ACACA: variants seen among roughly 807,000 people sequenced by gnomAD.
ACACA encodes the protein acetyl-CoA carboxylase 1.
In ACACA, 103 loss-of-function variants were observed where a neutral mutation model predicts 296.1. That is an observed-to-expected ratio of 0.35 (90% confidence interval 0.30 to 0.41). The LOEUF is 0.41. ACACA is among the 10% of genes least tolerant of loss of function. The pLI is 1.00. For missense variants in ACACA, 1,554 were observed against 2,989.7 expected, an observed-to-expected ratio of 0.52 and a Z score of 11.20; for synonymous variants, 953 against 1,038.6, an observed-to-expected ratio of 0.92 and a Z score of 1.58.
chr17:37,153,220 TA>T (rs1418172716), intron 43 of ACACA, among the ~76,000 whole-genome samples: 1 of 152,150 alleles, frequency 6.6e-6, no homozygotes, highest in Non-Finnish European at 1.5e-5. Flanking sequence ...AAAAATATCA[TA>T]GGGGAAAATC....
In ACACA at chr17:37,302,490, G is replaced by A. The variant is rs1031522053; in HGVS notation, c.339-17520C>T. On this transcript the variant is annotated intron_variant, in intron 3 of 55. Coordinates refer to ENST00000616317, the MANE Select transcript of ACACA (RefSeq NM_198834.3). ...CTCCCAAAGTGCTGGGATTACAGGC[G>A]TGAGCCACCACACCCGGCCGGTCTG... 1.4e-4 allele frequency among the ~76,000 whole-genome samples: 21 copies of A among 152,018 alleles called. No homozygotes were observed. The East Asian group carries it at 3.5e-3, about 25-fold the overall frequency.
intron 29 of ACACA, among the ~76,000 whole-genome samples, chr17:37,218,898 G>A (rs1000625423): frequency 4.5e-4 from 68 of 152,324 alleles, no homozygotes; most frequent in African/African-American, 1.6e-3. Context: ...AGATGAGCAG[G>A]CCTATTGTAT....
chr17:37,098,222 G>A (rs916093227), intron 52 of ACACA, among the ~76,000 whole-genome samples: 1 of 152,190 alleles, frequency 6.6e-6, no homozygotes, highest in African/African-American at 2.4e-5. Context: ...AGTCACAAGT[G>A]TGAAGGCAGA....
chr17:37,200,053 C>G, intron 35 of ACACA, 86 bp downstream of exon 35: 1 of 956,164 alleles, frequency 1.0e-6, no homozygotes, highest in Admixed American at 1.8e-5. Flanking sequence ...ATCAGTCCAG[C>G]CCTTCTAACA....
intron 3 of ACACA, among the ~76,000 whole-genome samples, chr17:37,303,041 C>T (rs542760281): frequency 2.5e-4 from 38 of 152,244 alleles, no homozygotes; most frequent in African/African-American, 8.2e-4. Context: ...AGCAATCCTC[C>T]TGCCTCAGCC....
At chr17:37,287,610 G>T (rs1351512463) in intron 3 of ACACA, among the ~76,000 whole-genome samples, 1 of 151,732 alleles carries the variant, frequency 6.6e-6, no homozygotes, top group African/African-American at 2.4e-5. Flanking sequence ...AGGCATGGTG[G>T]TGCACGTCTG....
intron 1 of ACACA, among the ~76,000 whole-genome samples, chr17:37,395,999 TA>T (rs2051068727): frequency 6.6e-6 from 1 of 152,206 alleles, no homozygotes; most frequent in Non-Finnish European, 1.5e-5. Context: ...TAAACAGCCA[TA>T]TTTGCGTGTG....
At chr17:37,211,556 T>G (rs1340398615) in intron 29 of ACACA, among the ~76,000 whole-genome samples, 1 of 152,242 alleles carries the variant, frequency 6.6e-6, no homozygotes, top group African/African-American at 2.4e-5. Context: ...TCTAACATTC[T>G]TTTATCAGCA....
At chr17:37,295,939 T>A (rs1188927786) in intron 3 of ACACA, among the ~76,000 whole-genome samples, 3 of 151,394 alleles carry the variant, frequency 2.0e-5, no homozygotes, top group African/African-American at 4.9e-5. Flanking sequence ...AATCAAAAAA[T>A]TAAAATAAAA....
At chr17:37,393,320 T>G (rs564904432) in intron 1 of ACACA, among the ~76,000 whole-genome samples, 1 of 151,942 alleles carries the variant, frequency 6.6e-6, no homozygotes, top group African/African-American at 2.4e-5. Context: ...GTGACTTAGT[T>G]TGACAATAAA....
intron 47 of ACACA, 82 bp downstream of exon 47, chr17:37,129,283 T>C (rs1050586715): frequency 6.4e-7 from 1 of 1,567,168 alleles, no homozygotes; most frequent in African/African-American, 1.4e-5. Flanking sequence ...CACATGTGAT[T>C]GTTCAGGAAT....
intron 25 of ACACA, among the ~76,000 whole-genome samples, chr17:37,234,439 A>G (rs928875274): frequency 2.6e-5 from 4 of 152,094 alleles, no homozygotes; most frequent in Non-Finnish European, 5.9e-5. Context: ...AGTTATAGGG[A>G]AAAAAATCAT....
intron 3 of ACACA, among the ~76,000 whole-genome samples, chr17:37,298,298 T>C (rs531772484): frequency 1.3e-5 from 2 of 152,334 alleles, no homozygotes; most frequent in African/African-American, 2.4e-5. Flanking sequence ...TCAGTGTTTT[T>C]TGTTTATTTT....
chr17:37,244,370 A>C (rs1021183392), intron 21 of ACACA, among the ~76,000 whole-genome samples: 1 of 115,096 alleles, frequency 8.7e-6, no homozygotes, highest in Non-Finnish European at 1.9e-5. Context: ...CGTCTCGAGG[A>C]AAAAAAAAAA....
rs1204339625 is a variant in ACACA, at chr17:37,216,189, CGT to C, written c.3683+5533_3683+5534del. ...CACATGTTACATATACATACACACACGTGTGTGTGTGTGTGTGTGTATATATA... is the reference window on the plus strand; with the variant it reads ...CACATGTTACATATACATACACACACGTGTGTGTGTGTGTGTGTATATATA... On this transcript the variant is annotated intron_variant, in intron 29 of 55. Coordinates refer to ENST00000616317, the MANE Select transcript of ACACA (RefSeq NM_198834.3). 4.5e-3 allele frequency among the ~76,000 whole-genome samples: 635 copies of C among 141,328 alleles called. 6 individuals are homozygous for C. The highest frequency in any genetic ancestry group is 0.025 in the Middle Eastern group (7 of 280). The allele number at this position is 141,328 out of a possible 152,430, so 92.7% of individuals were successfully genotyped here. A position where few individuals can be genotyped will look rare whatever the true frequency, so the allele number is the denominator to read the frequency against.
intron 47 of ACACA, among the ~76,000 whole-genome samples, chr17:37,127,560 G>A (rs554335710): frequency 6.6e-6 from 1 of 152,252 alleles, no homozygotes; most frequent in Middle Eastern, 3.4e-3. Flanking sequence ...GAAAAGTCCT[G>A]CATTTTAAGA....
At chr17:37,326,448 T>A (rs2047626000) in intron 3 of ACACA, among the ~76,000 whole-genome samples, 1 of 151,888 alleles carries the variant, frequency 6.6e-6, no homozygotes, top group African/African-American at 2.4e-5. Flanking sequence ...GGAGAATCTC[T>A]TGAACCCGGG....
chr17:37,253,124 G>C, intron 14 of ACACA, 88 bp from the exon 15 acceptor site: 2 of 1,571,576 alleles, frequency 1.3e-6, no homozygotes, highest in South Asian at 2.2e-5. Flanking sequence ...AGGCATGGTG[G>C]CTCACGCCTG....
intron 3 of ACACA, among the ~76,000 whole-genome samples, chr17:37,314,634 C>CTTTT (rs57554348): frequency 1.6e-4 from 18 of 109,988 alleles, no homozygotes; most frequent in Non-Finnish European, 2.3e-4. Context: ...GGAATCCACA[C>CTTTT]TTTTTTTTTT....
Sources: allele counts gnomAD v4.1 joint callset (sites outside exome capture counted in the v4.1 genomes callset), GRCh38; gene constraint gnomAD v4.1.1; transcripts MANE v1.5; gene names NCBI Gene and HGNC (gene_info 2026-07-23, HGNC 2026-07-21).